Variants in RALYL observed in about 807,000 individuals in gnomAD.
RALYL encodes the protein RALY RNA binding protein like.
RALYL carries 29 observed loss-of-function variants against 35.1 expected under a neutral mutation model. That is an observed-to-expected ratio of 0.83 (90% CI 0.61 to 1.13). The LOEUF is 1.13. RALYL is among the 50% of genes most tolerant of loss of function. RALYL has a pLI of 0.00. For missense variants in RALYL, 359 were observed against 360.4 expected (o/e 1.00, Z 0.03); for synonymous variants, 120 against 127.6 (o/e 0.94, Z 0.40).
chr8:84,545,040 T>C (rs1432782809), intron 2 of RALYL, among the ~76,000 whole-genome samples: 1 of 152,118 alleles, frequency 6.6e-6, no homozygotes, highest in African/African-American at 2.4e-5. Context: ...CTAACATCTA[T>C]AAAAACTTGC....
intron 3 of RALYL, among the ~76,000 whole-genome samples, chr8:84,788,144 G>A (rs1819973203): frequency 6.6e-6 from 1 of 152,022 alleles, no homozygotes; most frequent in South Asian, 2.1e-4. Flanking sequence ...GGGTTTTTAT[G>A]GTTTTAGGTC....
At chr8:84,857,281 G>A (rs796972665) in intron 5 of RALYL, among the ~76,000 whole-genome samples, 7 of 152,224 alleles carry the variant, frequency 4.6e-5, no homozygotes, top group African/African-American at 1.4e-4. Flanking sequence ...TTTGTTATCA[G>A]GTTTTGCCTC....
At position 84,539,514 on chromosome 8, in the gene RALYL, A is replaced by G. The variant is rs961475717; in HGVS notation, c.256+9937A>G. Among the ~76,000 whole-genome samples, 5 of 152,202 alleles carry G rather than the reference A, an allele frequency of 3.3e-5. No homozygotes were observed. In the East Asian group the frequency reaches 5.8e-4, roughly 18 times the overall value. ...GAGGAAGCCATGGGACTAGGTGATC[A>G]GTAAGATCCCAAAAAAGACCAAATA... On this transcript the variant is annotated intron_variant, in intron 2 of 8. Coordinates refer to ENST00000521268, the MANE Select transcript of RALYL (RefSeq NM_173848.7).
chr8:84,833,840 CAT>C (rs1404469265), intron 4 of RALYL, among the ~76,000 whole-genome samples: 1 of 151,686 alleles, frequency 6.6e-6, no homozygotes, highest in East Asian at 1.9e-4. Context: ...AATACTAACT[CAT>C]AGAATTTTGA....
intron 4 of RALYL, among the ~76,000 whole-genome samples, chr8:84,843,637 CA>C (rs1265427128): frequency 6.6e-6 from 1 of 151,178 alleles, no homozygotes; most frequent in Non-Finnish European, 1.5e-5. Context: ...CATATGGAAC[CA>C]AAAAAGAGCC....
chr8:84,313,302 T>C (rs1044631969), intron 1 of RALYL, among the ~76,000 whole-genome samples: 1 of 152,230 alleles, frequency 6.6e-6, no homozygotes, highest in African/African-American at 2.4e-5. Context: ...CAAAGATCTC[T>C]GACATGCCCT....
At chr8:84,347,971 A>C (rs1372037977) in intron 1 of RALYL, among the ~76,000 whole-genome samples, 1 of 152,082 alleles carries the variant, frequency 6.6e-6, no homozygotes, top group African/African-American at 2.4e-5. Context: ...TTGATGAAAA[A>C]AACCCAGCTT....
intron 2 of RALYL, among the ~76,000 whole-genome samples, chr8:84,554,900 G>T (rs541881174): frequency 6.6e-6 from 1 of 152,068 alleles, no homozygotes; most frequent in Admixed American, 6.5e-5. Context: ...CATGTGAGTC[G>T]CCCATTTTTT....
intron 1 of RALYL, among the ~76,000 whole-genome samples, chr8:84,243,501 C>CTTTTTTT (rs34469585): frequency 3.1e-5 from 3 of 97,510 alleles, no homozygotes; most frequent in African/African-American, 4.1e-5. Flanking sequence ...CTCTCTCACA[C>CTTTTTTT]TTTTTTTTTT....
At chr8:84,735,006 TG>T (rs1349919890) in intron 2 of RALYL, among the ~76,000 whole-genome samples, 2 of 8,744 alleles carry the variant, frequency 2.3e-4, no homozygotes, top group Non-Finnish European at 5.7e-4. Context: ...TAGATATGTT[TG>T]TGTGTGTGTG....
intron 2 of RALYL, among the ~76,000 whole-genome samples, chr8:84,623,120 C>A (rs1821927682): frequency 1.3e-5 from 2 of 152,142 alleles, no homozygotes; most frequent in African/African-American, 4.8e-5. Context: ...GACAGTAAAA[C>A]TTCTAAGTTT....
At chr8:84,745,035 G>A (rs1808280817) in intron 2 of RALYL, among the ~76,000 whole-genome samples, 1 of 150,982 alleles carries the variant, frequency 6.6e-6, no homozygotes, top group Non-Finnish European at 1.5e-5. Context: ...CAGCTGAACA[G>A]ACACATGCAA....
At chr8:84,822,989 ACTG>A (rs1282216135) in intron 4 of RALYL, among the ~76,000 whole-genome samples, 2 of 152,112 alleles carry the variant, frequency 1.3e-5, no homozygotes, top group Non-Finnish European at 2.9e-5. Flanking sequence ...GGTGCACTGA[ACTG>A]CTGCTTCATC....
At chr8:84,485,880 T>C (rs1375351370) in intron 1 of RALYL, among the ~76,000 whole-genome samples, 1 of 152,120 alleles carries the variant, frequency 6.6e-6, no homozygotes, top group African/African-American at 2.4e-5. Context: ...ATCTTCCTAA[T>C]CAGTGTCCAC....
At chr8:84,359,962 T>C (rs1168703732) in intron 1 of RALYL, among the ~76,000 whole-genome samples, 1 of 151,742 alleles carries the variant, frequency 6.6e-6, no homozygotes. Context: ...AGTGGTGTAA[T>C]CTTGGCTCAC....
At chr8:84,876,247 T>A (rs6985967) in intron 7 of RALYL, among the ~76,000 whole-genome samples, 69,556 of 151,984 alleles carry the variant, frequency 0.46, 18,939 homozygotes, top group African/African-American at 0.75. Flanking sequence ...AGGTCTCAAG[T>A]CTTTCAAATG....
At chr8:84,304,050 T>C (rs762601510) in intron 1 of RALYL, among the ~76,000 whole-genome samples, 21 of 152,156 alleles carry the variant, frequency 1.4e-4, no homozygotes, top group Non-Finnish European at 2.8e-4. Flanking sequence ...GAACTTTCTC[T>C]TTTTATTGGA....
At chr8:84,225,476 A>C (rs1459329823) in intron 1 of RALYL, among the ~76,000 whole-genome samples, 3 of 152,168 alleles carry the variant, frequency 2.0e-5, no homozygotes, top group Admixed American at 6.5e-5. Context: ...GCTCCTGCTT[A>C]TCTCTCCAAC....
chr8:84,335,295 C>G (rs1847569412), intron 1 of RALYL, among the ~76,000 whole-genome samples: 1 of 152,164 alleles, frequency 6.6e-6, no homozygotes, highest in Non-Finnish European at 1.5e-5. Context: ...CATCTTCTCT[C>G]TGCTGATGTT....
Sources: gnomAD v4.1 joint callset for allele counts (sites outside exome capture counted in the v4.1 genomes callset) on GRCh38, gnomAD v4.1.1 for gene constraint, MANE v1.5 for transcripts, NCBI Gene and HGNC (gene_info 2026-07-23, HGNC 2026-07-21) for gene names.